The following PTPRD variants were observed in gnomAD, a reference collection of about 807,000 sequenced individuals.
The protein encoded by PTPRD is receptor-type tyrosine-protein phosphatase delta.
A neutral mutation model predicts 214.5 loss-of-function variants in PTPRD; 34 were observed. The observed-to-expected ratio is 0.16, with a 90% CI of 0.12 to 0.21. The LOEUF (loss-of-function observed/expected upper bound fraction) is 0.21, where lower values mean the gene tolerates loss of function less well. Among genes scored for constraint, PTPRD ranks in the 10% least tolerant of loss-of-function variants. The pLI is 1.00. For missense variants in PTPRD, 2,545 were observed against 2,398.7 expected, an observed-to-expected ratio of 1.06 and a Z score of -1.27; for synonymous variants, 1,128 against 845.7, an observed-to-expected ratio of 1.33 and a Z score of -5.79.
At chr9:8,353,168 T>C (rs2075979133) in intron 39 of PTPRD, among the ~76,000 whole-genome samples, 2 of 152,118 alleles carry the variant, frequency 1.3e-5, no homozygotes, top group Non-Finnish European at 2.9e-5. Flanking sequence ...TATTGTCCAA[T>C]AGTTTGGAAG....
intron 35 of PTPRD, among the ~76,000 whole-genome samples, chr9:8,420,074 C>A (rs1379334233): frequency 1.3e-5 from 2 of 152,104 alleles, no homozygotes; most frequent in Non-Finnish European, 1.5e-5. Context: ...GACAAAAATG[C>A]CAGTCCCATT....
chr9:9,422,088 A>G (rs2079032759), intron 8 of PTPRD, among the ~76,000 whole-genome samples: 1 of 152,130 alleles, frequency 6.6e-6, no homozygotes, highest in Non-Finnish European at 1.5e-5. Context: ...AATATCTGTA[A>G]ACATGTTTTG....
chr9:10,313,697 T>C (rs1294574698), intron 3 of PTPRD, among the ~76,000 whole-genome samples: 2 of 152,096 alleles, frequency 1.3e-5, no homozygotes, highest in South Asian at 4.1e-4. Flanking sequence ...GACCAGCCAC[T>C]TGGATGCATT....
At chr9:10,534,443 G>C (rs994121132) in intron 2 of PTPRD, among the ~76,000 whole-genome samples, 1 of 151,886 alleles carries the variant, frequency 6.6e-6, no homozygotes, top group African/African-American at 2.4e-5. Context: ...GATGATTTTG[G>C]TGTTTGACTT....
chr9:9,654,689 T>C (rs2096463302), intron 7 of PTPRD, among the ~76,000 whole-genome samples: 1 of 152,242 alleles, frequency 6.6e-6, no homozygotes, highest in Non-Finnish European at 1.5e-5. Flanking sequence ...ATTCTGATTC[T>C]GAGTTTAGCT....
intron 10 of PTPRD, among the ~76,000 whole-genome samples, chr9:9,021,534 T>G (rs1192022575): frequency 6.6e-6 from 1 of 152,126 alleles, no homozygotes; most frequent in Admixed American, 6.6e-5. Flanking sequence ...TATTTTAGAG[T>G]GTACTCTTTC....
chr9:10,203,145 G>A (rs1479368864), intron 3 of PTPRD, among the ~76,000 whole-genome samples: 2 of 145,228 alleles, frequency 1.4e-5, no homozygotes, highest in African/African-American at 5.1e-5. Context: ...ATCAGTTCCT[G>A]TTTACTGTCT....
intron 7 of PTPRD, among the ~76,000 whole-genome samples, chr9:9,624,317 C>T (rs2095348373): frequency 6.6e-6 from 1 of 151,956 alleles, no homozygotes; most frequent in Non-Finnish European, 1.5e-5. Flanking sequence ...GAGTCTCACT[C>T]TGTCACCCAG....
chr9:10,468,430 C>A (rs2099008713), intron 2 of PTPRD, among the ~76,000 whole-genome samples: 1 of 152,070 alleles, frequency 6.6e-6, no homozygotes, highest in African/African-American at 2.4e-5. Context: ...TGTTCTCACT[C>A]ATAAGAGGGA....
chr9:10,131,179 CTG>C (rs1277464513), intron 3 of PTPRD, among the ~76,000 whole-genome samples: 2 of 152,070 alleles, frequency 1.3e-5, no homozygotes, highest in Non-Finnish European at 2.9e-5. Context: ...AAAACAATTG[CTG>C]TGTTTTAATT....
chr9:9,413,057 ACAGTC>A (rs1587702309), intron 8 of PTPRD, among the ~76,000 whole-genome samples: 1 of 148,352 alleles, frequency 6.7e-6, no homozygotes, highest in Admixed American at 6.7e-5. Flanking sequence ...TGTGATGAGG[ACAGTC>A]ATTTTGGGCA....
intron 3 of PTPRD, among the ~76,000 whole-genome samples, chr9:10,218,580 C>A (rs186233442): frequency 6.6e-6 from 1 of 151,862 alleles, no homozygotes; most frequent in East Asian, 1.9e-4. Context: ...CTAAGAGATA[C>A]AGTGTATACG....
At position 9,152,606 on chromosome 9, in the gene PTPRD, G is replaced by C. The variant is rs1021034914; in HGVS notation, c.-143+30698C>G. 7.9e-5 allele frequency among the ~76,000 whole-genome samples: 12 copies of C among 152,296 alleles called. No individual in the cohort carries two copies. The South Asian group carries it at 1.9e-3, about 24-fold the overall frequency. Reference sequence around the variant, plus strand: ...TTTATCATTGGGTGGTGGAGGTAGGGCTATAAATGGTGCCAAATGAATTGC... The same window carrying C: ...TTTATCATTGGGTGGTGGAGGTAGGCCTATAAATGGTGCCAAATGAATTGC... On this transcript the variant is annotated intron_variant, in intron 10 of 45. Transcript: ENST00000381196.
At chr9:9,832,884 T>C (rs1011129287) in intron 5 of PTPRD, among the ~76,000 whole-genome samples, 2 of 143,686 alleles carry the variant, frequency 1.4e-5, no homozygotes, top group Non-Finnish European at 3.0e-5. Flanking sequence ...TGGGAAGCTT[T>C]TTTTCTATGT....
intron 10 of PTPRD, among the ~76,000 whole-genome samples, chr9:9,117,760 A>G (rs2099813752): frequency 6.6e-6 from 1 of 152,188 alleles, no homozygotes; most frequent in African/African-American, 2.4e-5. Context: ...TTCAGAAGAT[A>G]AAACCAACTG....
chr9:8,770,666 A>C (rs1263548797), intron 11 of PTPRD, among the ~76,000 whole-genome samples: 3 of 152,168 alleles, frequency 2.0e-5, no homozygotes, highest in Non-Finnish European at 2.9e-5. Flanking sequence ...CTTTTTTTAA[A>C]TTAAATACTT....
intron 44 of PTPRD, among the ~76,000 whole-genome samples, chr9:8,329,593 C>T (rs527414257): frequency 4.6e-5 from 7 of 152,226 alleles, no homozygotes; most frequent in Middle Eastern, 3.4e-3. Context: ...GGGATGTTTA[C>T]GTCTGCTGAA....
intron 11 of PTPRD, among the ~76,000 whole-genome samples, chr9:8,793,034 C>T (rs752040134): frequency 2.4e-4 from 36 of 152,176 alleles, no homozygotes; most frequent in Non-Finnish European, 4.0e-4. Flanking sequence ...AGCTGGCGAC[C>T]TATGTAAGGT....
intron 4 of PTPRD, among the ~76,000 whole-genome samples, chr9:9,977,398 AGG>A (rs1265621801): frequency 5.3e-5 from 8 of 152,196 alleles, no homozygotes; most frequent in African/African-American, 9.7e-5. Context: ...TTTCTGAAGG[AGG>A]AGAGCCTAGA....
Sources: allele counts gnomAD v4.1 joint callset (sites outside exome capture counted in the v4.1 genomes callset), GRCh38; gene constraint gnomAD v4.1.1; transcripts MANE v1.5; gene names NCBI Gene and HGNC (gene_info 2026-07-23, HGNC 2026-07-21).